The following DLGAP2 variants were observed in gnomAD, a reference collection of about 807,000 sequenced individuals.
The protein encoded by DLGAP2 is DLG associated protein 2.
In DLGAP2, 26 loss-of-function variants were observed where a neutral mutation model predicts 100.3. The ratio of observed to expected loss-of-function variants is 0.26; its 90% confidence interval spans 0.19 to 0.36. The LOEUF (loss-of-function observed/expected upper bound fraction) is 0.36. Among genes scored for constraint, DLGAP2 ranks in the 10% least tolerant of loss-of-function variants. The pLI, the probability that DLGAP2 is intolerant of heterozygous loss-of-function variation, is 1.00. For synonymous variants in DLGAP2, 886 were observed against 630.1 expected (o/e 1.41, Z -6.08); for missense variants, 1,858 against 1,453.2 (o/e 1.28, Z -4.53).
chr8:1,701,801 T>C lies in DLGAP2; in HGVS notation c.*395T>C. 1 of 196,838 alleles carries C rather than the reference T, an allele frequency of 5.1e-6. No homozygotes were observed. Among genetic ancestry groups the C allele is most frequent in the African/African-American group, 2.3e-5 (1 of 42,694 alleles). The allele number at this position is 196,838 out of a possible 1,614,324, so 12.2% of individuals were successfully genotyped here. ...TAGAGGTAAGAATAACAAGTAACTATAAACGGGTGCATCCCACCACTCCCT... is the reference window on the plus strand; with the variant it reads ...TAGAGGTAAGAATAACAAGTAACTACAAACGGGTGCATCCCACCACTCCCT... On this transcript the variant is annotated 3_prime_UTR_variant, in exon 15 of 15. Coordinates refer to ENST00000637795, the MANE Select transcript of DLGAP2 (RefSeq NM_001346810.2).
In DLGAP2 at chr8:1,050,383, A is replaced by G. The variant is rs747239254; in HGVS notation, c.73+142417A>G. Among the ~76,000 whole-genome samples, 2 of 152,224 alleles carry G rather than the reference A, an allele frequency of 1.3e-5. 1 individual carries two copies. Among genetic ancestry groups the G allele is most frequent in the Non-Finnish European group, 2.9e-5 (2 of 68,040 alleles). On this transcript the variant is annotated intron_variant, in intron 2 of 14. Coordinates refer to ENST00000637795, the MANE Select transcript of DLGAP2 (RefSeq NM_001346810.2). ...TGAGATATATATCCAACACTTTAGTATAAAACAGGCCTTGTGCGAGGTGGC... is the reference window on the plus strand; with the variant it reads ...TGAGATATATATCCAACACTTTAGTGTAAAACAGGCCTTGTGCGAGGTGGC...
intron 3 of DLGAP2, among the ~76,000 whole-genome samples, chr8:1,344,853 A>G (rs1308093369): frequency 1.3e-5 from 2 of 152,174 alleles, no homozygotes; most frequent in Admixed American, 6.5e-5. Context: ...GAACTAATGA[A>G]TGAGAGACTG....
At chr8:824,881 G>C (rs1796657202) in intron 1 of DLGAP2, among the ~76,000 whole-genome samples, 1 of 152,138 alleles carries the variant, frequency 6.6e-6, no homozygotes, top group Non-Finnish European at 1.5e-5. Flanking sequence ...ACCCCGCATT[G>C]TCCCCTGGCA....
intron 2 of DLGAP2, among the ~76,000 whole-genome samples, chr8:1,030,851 T>G (rs1801951014): frequency 6.6e-6 from 1 of 152,152 alleles, no homozygotes; most frequent in South Asian, 2.1e-4. Context: ...TTCCCTCTCC[T>G]GGAGGAAAGA....
At chr8:1,466,246 C>T (rs925943582) in intron 3 of DLGAP2, among the ~76,000 whole-genome samples, 2 of 152,034 alleles carry the variant, frequency 1.3e-5, no homozygotes, top group Non-Finnish European at 2.9e-5. Flanking sequence ...GTGGGCTTTG[C>T]TTTTTTATCA....
intron 11 of DLGAP2, among the ~76,000 whole-genome samples, chr8:1,677,085 A>G (rs889347248): frequency 6.6e-6 from 1 of 152,232 alleles, no homozygotes; most frequent in Non-Finnish European, 1.5e-5. Flanking sequence ...TTTTGTAACA[A>G]GGCAGGACGA....
chr8:1,270,724 C>CTCTGTGTGTCTA, intron 3 of DLGAP2, among the ~76,000 whole-genome samples: 1 of 150,610 alleles, frequency 6.6e-6, no homozygotes, highest in Non-Finnish European at 1.5e-5. Context: ...GTGTGTGTCT[C>CTCTGTGTGTCTA]CCTCTCTCTT....
intron 2 of DLGAP2, among the ~76,000 whole-genome samples, chr8:1,086,177 G>C (rs1309929298): frequency 6.6e-6 from 1 of 152,046 alleles, no homozygotes; most frequent in Non-Finnish European, 1.5e-5. Flanking sequence ...AGTTTGTAGG[G>C]TTTTCTATAT....
intron 3 of DLGAP2, among the ~76,000 whole-genome samples, chr8:1,414,025 T>A (rs1326394109): frequency 6.6e-6 from 1 of 152,234 alleles, no homozygotes; most frequent in African/African-American, 2.4e-5. Flanking sequence ...GGGCACCGTG[T>A]GGACACTTAG....
intron 2 of DLGAP2, among the ~76,000 whole-genome samples, chr8:987,629 C>T (rs1800526253): frequency 6.6e-6 from 1 of 152,160 alleles, no homozygotes; most frequent in Non-Finnish European, 1.5e-5. Context: ...CTTTAGCTTC[C>T]TGGTCTTACT....
In DLGAP2 at chr8:801,167, A is replaced by G. The variant is rs531301431; in HGVS notation, c.18+63342A>G. Among the ~76,000 whole-genome samples, 11 of 152,360 alleles carry G rather than the reference A, an allele frequency of 7.2e-5. No individual in the cohort carries two copies. In the South Asian group the frequency reaches 1.2e-3, roughly 17 times the overall value. On this transcript the variant is annotated intron_variant, in intron 1 of 14. Coordinates refer to ENST00000637795, the MANE Select transcript of DLGAP2 (RefSeq NM_001346810.2). ...CCTGCGTGTTTCTCTCTCACTTCACAGAGTACTGGGTGCACCTTCCGTGGT... is the reference window on the plus strand; with the variant it reads ...CCTGCGTGTTTCTCTCTCACTTCACGGAGTACTGGGTGCACCTTCCGTGGT...
In DLGAP2 at chr8:1,701,774, A is replaced by C; in HGVS notation, c.*368A>C. On this transcript the variant is annotated 3_prime_UTR_variant, in exon 15 of 15. Transcript: ENST00000637795. Reference sequence around the variant, plus strand: ...TTCTATTTTTATAAATTGTGTGATAATTAGAGGTAAGAATAACAAGTAACT... The same window carrying C: ...TTCTATTTTTATAAATTGTGTGATACTTAGAGGTAAGAATAACAAGTAACT... The C allele has an allele frequency of 3.8e-6, 1 of 260,638 alleles. No homozygotes were observed. Among genetic ancestry groups the C allele is most frequent in the East Asian group, 7.6e-5 (1 of 13,074 alleles). 16.1% of individuals were successfully genotyped at this position (260,638 alleles called of 1,614,324 possible).
At chr8:1,291,165 G>A (rs749232402) in intron 3 of DLGAP2, among the ~76,000 whole-genome samples, 6 of 152,088 alleles carry the variant, frequency 3.9e-5, no homozygotes, top group Admixed American at 6.6e-5. Context: ...TGGACCTCAC[G>A]TCTCAATATT....
At chr8:1,149,672 A>G (rs1163226799) in intron 2 of DLGAP2, among the ~76,000 whole-genome samples, 1 of 152,230 alleles carries the variant, frequency 6.6e-6, no homozygotes, top group Non-Finnish European at 1.5e-5. Context: ...AATTCATGAC[A>G]TCCAGGAATT....
intron 2 of DLGAP2, among the ~76,000 whole-genome samples, chr8:908,804 A>G (rs181170128): frequency 6.6e-6 from 1 of 152,338 alleles, no homozygotes; most frequent in East Asian, 1.9e-4. Flanking sequence ...GCTGTCAAGT[A>G]TGTATTTGTG....
chr8:1,216,536 T>C (rs6987281), intron 2 of DLGAP2, among the ~76,000 whole-genome samples: 21,506 of 151,758 alleles, frequency 0.14, 3,619 homozygotes, highest in African/African-American at 0.41. Flanking sequence ...TGTCTCACTA[T>C]GTTGCCCAGG....
intron 6 of DLGAP2, among the ~76,000 whole-genome samples, chr8:1,568,833 G>A (rs1451514889): frequency 2.0e-4 from 15 of 76,292 alleles, no homozygotes; most frequent in Admixed American, 6.5e-4. Flanking sequence ...ACACAAATCC[G>A]TCTCTGCCTA....
intron 3 of DLGAP2, among the ~76,000 whole-genome samples, chr8:1,373,400 G>C (rs1179073470): frequency 6.6e-6 from 1 of 152,140 alleles, no homozygotes; most frequent in Non-Finnish European, 1.5e-5. Flanking sequence ...TGTGCCGCTT[G>C]CGTCCCCGGG....
chr8:1,258,799 G>T (rs1338939057), intron 2 of DLGAP2, 52 bp from the exon 3 acceptor site: 2 of 1,227,262 alleles, frequency 1.6e-6, no homozygotes, highest in African/African-American at 1.6e-5. Context: ...CTTTTTAACT[G>T]CATGGTTGAG....
Sources: gnomAD v4.1 joint callset for allele counts (sites outside exome capture counted in the v4.1 genomes callset) on GRCh38, gnomAD v4.1.1 for gene constraint, MANE v1.5 for transcripts, NCBI Gene and HGNC (gene_info 2026-07-23, HGNC 2026-07-21) for gene names.